ARHGAP18: variants seen among roughly 807,000 people sequenced by gnomAD.
ARHGAP18 encodes Rho GTPase activating protein 18.
A neutral mutation model predicts 86.2 loss-of-function variants in ARHGAP18; 67 were observed. The ratio of observed to expected loss-of-function variants is 0.78; its 90% CI spans 0.64 to 0.95. ARHGAP18 has a LOEUF of 0.95. Among genes scored for constraint, ARHGAP18 ranks in the 40% least tolerant of loss-of-function variants. The probability of loss-of-function intolerance (pLI) is 0.00; values close to 1 mark genes in which losing one functional copy is unlikely to be tolerated. For missense variants in ARHGAP18, 691 were observed against 780.4 expected (o/e 0.89, Z 1.37); for synonymous variants, 283 against 280.4 (o/e 1.01, Z -0.09).
At chr6:129,606,720 C>G (rs1788860758) in intron 9 of ARHGAP18, among the ~76,000 whole-genome samples, 1 of 152,102 alleles carries the variant, frequency 6.6e-6, no homozygotes, top group African/African-American at 2.4e-5. Context: ...ATACTTTAAA[C>G]AGAAGAGATT....
At chr6:129,582,913 C>T (rs1429283660) in intron 13 of ARHGAP18, among the ~76,000 whole-genome samples, 1 of 152,158 alleles carries the variant, frequency 6.6e-6, no homozygotes, top group African/African-American at 2.4e-5. Flanking sequence ...CTAGATATTA[C>T]CAATAAGCCT....
In ARHGAP18 at chr6:129,577,636, GA is replaced by G; in HGVS notation, c.*876del. On this transcript the variant is annotated 3_prime_UTR_variant, in exon 15 of 15. Coordinates refer to ENST00000368149, the MANE Select transcript of ARHGAP18 (RefSeq NM_033515.3). Reference sequence around the variant, plus strand: ...AAAATACATTCTTCAACCATTACTGGATTATACTATCATGCATATTTATAAT... The same window carrying G: ...AAAATACATTCTTCAACCATTACTGGTTATACTATCATGCATATTTATAAT... 1 of 151,964 alleles carries G rather than the reference GA, an allele frequency of 6.6e-6. No homozygotes were observed. Among genetic ancestry groups the G allele is most frequent in the Admixed American group, 6.6e-5 (1 of 15,252 alleles). The allele number at this position is 151,964 out of a possible 1,614,324, so 9.4% of individuals were successfully genotyped here. A position where few individuals can be genotyped will look rare whatever the true frequency, so the allele number is the denominator to read the frequency against.
chr6:129,629,532 CG>C lies in ARHGAP18; in HGVS notation c.617-11del. Reference sequence around the variant, plus strand: ...AGGTTAGATGCCTCGTCTAGGGGCCCGGGGGGAAAGAACCCAATTCATATGC... The same window carrying C: ...AGGTTAGATGCCTCGTCTAGGGGCCCGGGGGAAAGAACCCAATTCATATGC... On this transcript the variant is annotated splice_polypyrimidine_tract_variant and intron_variant, in intron 4 of 14. Coordinates refer to ENST00000368149, the MANE Select transcript of ARHGAP18 (RefSeq NM_033515.3). 1.9e-6 allele frequency: 3 copies of C among 1,597,306 alleles called. No individual in the cohort carries two copies. The highest frequency in any genetic ancestry group is 1.8e-5 in the Admixed American group (1 of 55,966).
At chr6:129,622,166 A>G (rs1460622725) in intron 5 of ARHGAP18, among the ~76,000 whole-genome samples, 1 of 152,192 alleles carries the variant, frequency 6.6e-6, no homozygotes, top group Non-Finnish European at 1.5e-5. Flanking sequence ...GCATAGAATC[A>G]AACTCAATGA....
At chr6:129,658,964 GTTAT>G (rs1773895551) in intron 1 of ARHGAP18, among the ~76,000 whole-genome samples, 1 of 152,142 alleles carries the variant, frequency 6.6e-6, no homozygotes, top group South Asian at 2.1e-4. Context: ...GAGGACGAAA[GTTAT>G]TTAATTTTTT....
chr6:129,637,060 T>C (rs542414258), intron 3 of ARHGAP18, among the ~76,000 whole-genome samples: 15 of 152,148 alleles, frequency 9.9e-5, no homozygotes, highest in Admixed American at 9.8e-4. Flanking sequence ...GTTTTGTTGT[T>C]GTTGTTGTTG....
chr6:129,638,682 C>T, intron 2 of ARHGAP18, 53 bp from the exon 3 acceptor site: 1 of 1,512,202 alleles, frequency 6.6e-7, no homozygotes, highest in South Asian at 1.2e-5. Context: ...ACAACCTTTA[C>T]ATTTTTTAAG....
intron 7 of ARHGAP18, among the ~76,000 whole-genome samples, chr6:129,613,522 A>G (rs1473558821): frequency 4.6e-5 from 7 of 152,206 alleles, no homozygotes; most frequent in Admixed American, 4.6e-4. Context: ...TCAGCAATAT[A>G]TGCCTTTCAC....
chr6:129,655,414 A>C (rs1247929179), intron 1 of ARHGAP18, among the ~76,000 whole-genome samples: 1 of 152,104 alleles, frequency 6.6e-6, no homozygotes, highest in Non-Finnish European at 1.5e-5. Flanking sequence ...GAAAGGATTA[A>C]GAGCATGTAA....
rs1278262875 is a variant in ARHGAP18, at chr6:129,685,776, C to T, written c.113+24248G>A. The stretch of plus-strand genomic sequence containing the variant: ...TTTTTTTTTTCCTCTCCCACTTCCT[C>T]TTATTTTCCCCTCTGATCTACACAC... On this transcript the variant is annotated intron_variant, in intron 1 of 14. Coordinates refer to ENST00000368149, the MANE Select transcript of ARHGAP18 (RefSeq NM_033515.3). 4.8e-5 allele frequency among the ~76,000 whole-genome samples: 6 copies of T among 124,776 alleles called. No individual in the cohort carries two copies. In the East Asian group the frequency reaches 9.6e-4, roughly 20 times the overall value. 81.9% of individuals were successfully genotyped at this position (124,776 alleles called of 152,430 possible). A position where few individuals can be genotyped will look rare whatever the true frequency, so the allele number is the denominator to read the frequency against.
At chr6:129,672,847 G>A (rs1774163680) in intron 1 of ARHGAP18, among the ~76,000 whole-genome samples, 1 of 152,156 alleles carries the variant, frequency 6.6e-6, no homozygotes, top group African/African-American at 2.4e-5. Context: ...CAAGACCTTA[G>A]CACATATTAA....
intron 6 of ARHGAP18, 96 bp downstream of exon 6, chr6:129,618,591 A>C: frequency 8.6e-7 from 1 of 1,160,854 alleles, no homozygotes; most frequent in Non-Finnish European, 1.2e-6. Flanking sequence ...TTTATTTTGC[A>C]GGTGTTTTCC....
At chr6:129,684,223 A>G (rs1392869548) in intron 1 of ARHGAP18, among the ~76,000 whole-genome samples, 1 of 152,224 alleles carries the variant, frequency 6.6e-6, no homozygotes, top group East Asian at 1.9e-4. Context: ...AAGAAACACT[A>G]TAAATGGCTA....
chr6:129,632,422 G>GGGATC, intron 4 of ARHGAP18, among the ~76,000 whole-genome samples: 1 of 152,132 alleles, frequency 6.6e-6, no homozygotes, highest in Non-Finnish European at 1.5e-5. Flanking sequence ...TGTTGATATA[G>GGGATC]CCTACATCAT....
At chr6:129,699,771 C>T (rs1360274615) in intron 1 of ARHGAP18, among the ~76,000 whole-genome samples, 2 of 152,190 alleles carry the variant, frequency 1.3e-5, no homozygotes, top group African/African-American at 4.8e-5. Flanking sequence ...AAAAAGTCCC[C>T]AGTCTCTTAG....
intron 8 of ARHGAP18, 114 bp downstream of exon 8, chr6:129,611,419 T>C: frequency 1.2e-6 from 1 of 819,636 alleles, no homozygotes; most frequent in Non-Finnish European, 1.9e-6. Context: ...ATTGTTTTAT[T>C]TTATCTACTT....
At chr6:129,640,903 A>G (rs939547971) in intron 2 of ARHGAP18, among the ~76,000 whole-genome samples, 1 of 152,206 alleles carries the variant, frequency 6.6e-6, no homozygotes, top group African/African-American at 2.4e-5. Context: ...AAACTTAGCA[A>G]CTGCTTGAAT....
chr6:129,631,618 T>C (rs1218138891), intron 4 of ARHGAP18, among the ~76,000 whole-genome samples: 1 of 152,180 alleles, frequency 6.6e-6, no homozygotes, highest in Non-Finnish European at 1.5e-5. Flanking sequence ...TTCTGTCATC[T>C]AGTCTCTTTT....
intron 1 of ARHGAP18, among the ~76,000 whole-genome samples, chr6:129,687,272 A>C (rs1188768389): frequency 6.6e-6 from 1 of 152,186 alleles, no homozygotes; most frequent in Non-Finnish European, 1.5e-5. Flanking sequence ...GTTGTAAGTT[A>C]CCAGTTTCCA....
Sources: gnomAD v4.1 joint callset for allele counts (sites outside exome capture counted in the v4.1 genomes callset) on GRCh38, gnomAD v4.1.1 for gene constraint, MANE v1.5 for transcripts, NCBI Gene and HGNC (gene_info 2026-07-23, HGNC 2026-07-21) for gene names.